The following FAM135B variants were observed in gnomAD, a reference collection of about 807,000 sequenced individuals.
FAM135B encodes family with sequence similarity 135 member B, also known as protein FAM135B.
Under a neutral mutation model 127.7 loss-of-function variants are expected in FAM135B, and 43 were observed. The observed-to-expected ratio is 0.34, with a 90% confidence interval of 0.26 to 0.43. The LOEUF is 0.43. Ranked by LOEUF, FAM135B falls within the 20% of genes least tolerant of loss-of-function variation. The probability of loss-of-function intolerance (pLI) is 1.00; values close to 1 mark genes in which losing one functional copy is unlikely to be tolerated. For missense variants in FAM135B, 1,558 were observed against 1,725.6 expected (o/e 0.90, Z 1.72); for synonymous variants, 670 against 665.1 (o/e 1.01, Z -0.11).
intron 1 of FAM135B, among the ~76,000 whole-genome samples, chr8:138,464,991 T>C (rs778753934): frequency 9.9e-5 from 15 of 152,132 alleles, no homozygotes; most frequent in Non-Finnish European, 2.1e-4. Flanking sequence ...GAACAATTAG[T>C]GAAGAAACAG....
intron 1 of FAM135B, among the ~76,000 whole-genome samples, chr8:138,467,525 G>T (rs1305532089): frequency 1.3e-5 from 2 of 152,198 alleles, no homozygotes; most frequent in African/African-American, 4.8e-5. Flanking sequence ...ACCACAGAAA[G>T]TTCCATTGGA....
chr8:138,197,075 A>ATGTGTG (rs6150843), intron 8 of FAM135B, among the ~76,000 whole-genome samples: 5 of 132,464 alleles, frequency 3.8e-5, no homozygotes, highest in African/African-American at 8.1e-5. Flanking sequence ...ATGTATGCAT[A>ATGTGTG]TGTGTGTGTG....
intron 2 of FAM135B, among the ~76,000 whole-genome samples, chr8:138,341,764 C>T (rs1385425929): frequency 6.6e-6 from 1 of 152,102 alleles, no homozygotes; most frequent in Admixed American, 6.6e-5. Context: ...TGCAATCACC[C>T]TTTTCTTTCC....
In FAM135B at chr8:138,295,102, C is replaced by CTTTTTTTTT. The variant is rs527258472; in HGVS notation, c.157+15730_157+15738dup. 6.0e-4 allele frequency among the ~76,000 whole-genome samples: 49 copies of CTTTTTTTTT among 82,216 alleles called. 2 individuals are homozygous for CTTTTTTTTT. Among genetic ancestry groups the CTTTTTTTTT allele is most frequent in the African/African-American group, 2.3e-3 (46 of 20,162 alleles). The allele number at this position is 82,216 out of a possible 152,430, so 53.9% of individuals were successfully genotyped here. On this transcript the variant is annotated intron_variant, in intron 3 of 19. Coordinates refer to ENST00000395297, the MANE Select transcript of FAM135B (RefSeq NM_015912.4). ...AATGTCAATACCACCCTTGCTGGTG[C>CTTTTTTTTT]TTTTTTTTTTTTTTTTTTTTTTTTT...
chr8:138,193,915 C>T (rs531856365), intron 9 of FAM135B, among the ~76,000 whole-genome samples: 11 of 152,334 alleles, frequency 7.2e-5, no homozygotes, highest in East Asian at 1.9e-4. Flanking sequence ...ATGGCTTTGA[C>T]GCTTCTGGCC....
chr8:138,174,526 C>G (rs16908436), intron 11 of FAM135B, among the ~76,000 whole-genome samples: 9,674 of 152,244 alleles, frequency 0.064, 556 homozygotes, highest in East Asian at 0.17. Context: ...GAAATTCTCC[C>G]TCTGTTTTAC....
Position 138,466,872 on chromosome 8 carries a change from C to T in FAM135B, c.-20+29799G>A, listed in dbSNP as rs567147579. ...ATAAGTATAGTGCAGCAAATTTATACAAACTTTACTTTGATGATTCAGGAT... is the reference window on the plus strand; with the variant it reads ...ATAAGTATAGTGCAGCAAATTTATATAAACTTTACTTTGATGATTCAGGAT... On this transcript the variant is annotated intron_variant, in intron 1 of 19. Transcript: ENST00000395297. Among the ~76,000 whole-genome samples, 4 of 152,210 alleles carry T rather than the reference C, an allele frequency of 2.6e-5. No homozygotes were observed. The East Asian group carries it at 7.7e-4, about 29-fold the overall frequency.
At chr8:138,374,325 A>G (rs1831332006) in intron 1 of FAM135B, among the ~76,000 whole-genome samples, 1 of 152,224 alleles carries the variant, frequency 6.6e-6, no homozygotes, top group Admixed American at 6.5e-5. Flanking sequence ...ATGATACAGA[A>G]TGGTAACTAA....
At chr8:138,261,559 T>G (rs1396394044) in intron 4 of FAM135B, among the ~76,000 whole-genome samples, 2 of 152,252 alleles carry the variant, frequency 1.3e-5, no homozygotes, top group Non-Finnish European at 2.9e-5. Context: ...ATTCCATTGC[T>G]AACTTTTCTT....
chr8:138,182,778 C>T (rs967215084), intron 9 of FAM135B, among the ~76,000 whole-genome samples: 10 of 152,190 alleles, frequency 6.6e-5, no homozygotes, highest in South Asian at 2.1e-4. Flanking sequence ...GAACAAACCG[C>T]GCTCTCTCAC....
At chr8:138,385,216 C>T (rs1466224800) in intron 1 of FAM135B, among the ~76,000 whole-genome samples, 2 of 152,188 alleles carry the variant, frequency 1.3e-5, no homozygotes, top group African/African-American at 4.8e-5. Flanking sequence ...TTGTCATTTC[C>T]TCAAGTAGCC....
rs1234361853 is a variant in FAM135B at position 138,486,394 on chromosome 8, T to C, written c.-20+10277A>G. Among the ~76,000 whole-genome samples the C allele has an allele frequency of 5.3e-5, 8 of 152,140 alleles. No homozygotes were observed. The South Asian group carries it at 6.2e-4, about 12-fold the overall frequency. ...TAAAGGAAGACCTGGAGGGCTGTAA[T>C]TGAAATACTAATTAATGTAGTGGAT... On this transcript the variant is annotated intron_variant, in intron 1 of 19. Transcript: ENST00000395297.
chr8:138,311,033 A>G, intron 2 of FAM135B, 113 bp from the exon 3 acceptor site: 1 of 750,260 alleles, frequency 1.3e-6, no homozygotes, highest in East Asian at 2.6e-5. Context: ...GTTTCTTGGC[A>G]GCATGCACAA....
At chr8:138,176,937 G>A (rs891033710) in intron 11 of FAM135B, among the ~76,000 whole-genome samples, 12 of 152,048 alleles carry the variant, frequency 7.9e-5, no homozygotes, top group South Asian at 2.1e-4. Context: ...TCCTAATTAC[G>A]TAGTTCAGAC....
intron 9 of FAM135B, among the ~76,000 whole-genome samples, chr8:138,188,202 C>G (rs952117284): frequency 3.3e-5 from 5 of 152,160 alleles, no homozygotes; most frequent in Admixed American, 1.3e-4. Context: ...TATCATAGAA[C>G]AGGTATAGTA....
At chr8:138,185,575 G>C (rs1486490673) in intron 9 of FAM135B, among the ~76,000 whole-genome samples, 1 of 152,160 alleles carries the variant, frequency 6.6e-6, no homozygotes, top group African/African-American at 2.4e-5. Flanking sequence ...AAAACAGGCT[G>C]CCCACAGTCA....
intron 1 of FAM135B, among the ~76,000 whole-genome samples, chr8:138,399,659 T>C (rs1028662236): frequency 2.0e-5 from 3 of 152,186 alleles, no homozygotes; most frequent in Non-Finnish European, 4.4e-5. Flanking sequence ...TTTATTTCTA[T>C]ATCACCACTT....
chr8:138,255,581 A>C (rs982353853), intron 5 of FAM135B, among the ~76,000 whole-genome samples: 1 of 152,202 alleles, frequency 6.6e-6, no homozygotes, highest in African/African-American at 2.4e-5. Flanking sequence ...ACATATGTGG[A>C]ATGAGGGTTA....
At chr8:138,317,318 T>C (rs1827170216) in intron 2 of FAM135B, among the ~76,000 whole-genome samples, 1 of 152,160 alleles carries the variant, frequency 6.6e-6, no homozygotes, top group Non-Finnish European at 1.5e-5. Context: ...TATGAAAATA[T>C]AATACAGATT....
Sources: gnomAD v4.1 joint callset for allele counts (sites outside exome capture counted in the v4.1 genomes callset) on GRCh38, gnomAD v4.1.1 for gene constraint, MANE v1.5 for transcripts, NCBI Gene and HGNC (gene_info 2026-07-23, HGNC 2026-07-21) for gene names.